The following PFAS variants were observed in gnomAD, a reference collection of about 807,000 sequenced individuals.
The protein encoded by PFAS is FGAM synthase.
Under a neutral mutation model 140.6 loss-of-function variants are expected in PFAS, and 97 were observed. That is an observed-to-expected ratio of 0.69 (90% confidence interval 0.59 to 0.82). The LOEUF is 0.82. PFAS is among the 40% of genes least tolerant of loss of function. The pLI is 0.00. For missense variants in PFAS, 1,656 were observed against 1,780.2 expected (o/e 0.93, Z 1.26); for synonymous variants, 679 against 718.8 (o/e 0.94, Z 0.88).
At position 8,254,072 on chromosome 17, in the gene PFAS, C is replaced by T; in HGVS notation, c.135C>T (p.Asn45=). Reference sequence around the variant, plus strand: ...AGACTGAACTGTGCTACAACGTGAACTGGACAGGTTGGGCCCAGGTATTAG... The same window carrying T: ...AGACTGAACTGTGCTACAACGTGAATTGGACAGGTTGGGCCCAGGTATTAG... The part of the protein sequence containing the change: ...GVETELCYNV[N]WTAEALPSAE... Residue 45 remains asparagine, a synonymous_variant, in exon 2 of 28, where the codon AAC becomes AAT. Transcript: ENST00000314666. 1 of 1,614,070 alleles carries T rather than the reference C, an allele frequency of 6.2e-7. No homozygotes were observed. Among genetic ancestry groups the T allele is most frequent in the Non-Finnish European group, 8.5e-7 (1 of 1,179,938 alleles).
chr17:8,250,361 T>C (rs1055756207), intron 1 of PFAS, among the ~76,000 whole-genome samples: 4 of 152,094 alleles, frequency 2.6e-5, no homozygotes, highest in Non-Finnish European at 4.4e-5. Context: ...TTGGTCCAGG[T>C]GAGTGATGGT....
chr17:8,264,651 C>A, intron 17 of PFAS, 50 bp downstream of exon 17: 1 of 1,529,012 alleles, frequency 6.5e-7, no homozygotes, highest in Non-Finnish European at 8.8e-7. Flanking sequence ...TCCGCTCAGC[C>A]TCTTCTGCCC....
rs1989735062 is a variant in PFAS at position 8,264,580 on chromosome 17, C to G, written c.2028C>G (p.Ser676Arg). The G allele has an allele frequency of 3.1e-6, 5 of 1,613,040 alleles. No homozygotes were observed. Among genetic ancestry groups the G allele is most frequent in the Non-Finnish European group, 4.2e-6 (5 of 1,179,604 alleles). ...TTCTGAGGCTGCCCGCCGTGGCCAG[C>G]AAGCGCTACCTCACCAATAAGGTCC... ...ERVLRLPAVA[S>R]KRYLTNKVDR... Residue 676 changes from serine (S) to arginine (R), a missense_variant, in exon 17 of 28, where the codon AGC (serine) becomes AGG (arginine). Ser to Arg is a moderately radical substitution (Grantham distance 110). Coordinates refer to ENST00000314666, the MANE Select transcript of PFAS (RefSeq NM_012393.3).
intron 3 of PFAS, 40 bp downstream of exon 3, chr17:8,254,341 C>T (rs777091581): frequency 6.2e-7 from 1 of 1,610,018 alleles, no homozygotes; most frequent in South Asian, 1.1e-5. Context: ...TTCTGCTTTC[C>T]TTTGCTTCCT....
chr17:8,250,057 A>T (rs1346365283), intron 1 of PFAS, among the ~76,000 whole-genome samples: 2 of 152,214 alleles, frequency 1.3e-5, no homozygotes, highest in East Asian at 3.8e-4. Flanking sequence ...ATCACCAGAA[A>T]TCTAAATAAC....
chr17:8,258,242 C>T, intron 11 of PFAS, 43 bp downstream of exon 11: 6 of 1,609,718 alleles, frequency 3.7e-6, no homozygotes, highest in Non-Finnish European at 5.1e-6. Context: ...CAGCTTTCTC[C>T]CCAGCACAGG....
intron 17 of PFAS, 87 bp from the exon 18 acceptor site, chr17:8,264,808 C>A: frequency 9.4e-7 from 1 of 1,058,948 alleles, no homozygotes; most frequent in South Asian, 1.6e-5. Flanking sequence ...ACAGGCCTCC[C>A]ACTGCCCTGA....
intron 1 of PFAS, among the ~76,000 whole-genome samples, chr17:8,252,052 G>A (rs1373659784): frequency 6.6e-6 from 1 of 151,884 alleles, no homozygotes; most frequent in African/African-American, 2.4e-5. Flanking sequence ...CCAACGCTTT[G>A]GGAGTCCGAG....
At chr17:8,247,719 C>G (rs1436163415), upstream of PFAS, 11 of 420,076 alleles carry the variant, frequency 2.6e-5, no homozygotes, top group Non-Finnish European at 4.8e-5. Flanking sequence ...CAGGAACCCA[C>G]AGCCCCATAG....
upstream of PFAS, chr17:8,247,908 G>A: frequency 7.5e-7 from 1 of 1,336,894 alleles, no homozygotes; most frequent in South Asian, 1.2e-5. Flanking sequence ...GACGCGGCCA[G>A]CGAGCCCAGA....
chr17:8,266,206 T>C lies in PFAS; in HGVS notation c.2702-28T>C. The C allele has an allele frequency of 1.2e-6, 2 of 1,612,790 alleles. No homozygotes were observed. Among genetic ancestry groups the C allele is most frequent in the Non-Finnish European group, 1.7e-6 (2 of 1,179,280 alleles). On this transcript the variant is annotated intron_variant, in intron 21 of 27. Coordinates refer to ENST00000314666, the MANE Select transcript of PFAS (RefSeq NM_012393.3). The surrounding 1 kb of genome is among the most constrained non-coding windows in gnomAD (Gnocchi z 5.0). ...GGGCTGTCAGGTTTGGGTCCCGAGG[T>C]TGCTGAGCTTTCTTCTCCTTCCTCC...
At chr17:8,262,378 A>G (rs759918835) in intron 11 of PFAS, 1 of 154,432 alleles carries the variant, frequency 6.5e-6, no homozygotes, top group Non-Finnish European at 1.4e-5. Context: ...AATCAGCGGG[A>G]TGACTTCCTC....
At chr17:8,260,785 C>T (rs369089905) in intron 11 of PFAS, among the ~76,000 whole-genome samples, 4 of 152,058 alleles carry the variant, frequency 2.6e-5, no homozygotes, top group African/African-American at 9.7e-5. Flanking sequence ...CCACCACGCC[C>T]GGCTAATTTT....
upstream of PFAS, among the ~76,000 whole-genome samples, chr17:8,248,453 G>T (rs533739985): frequency 1.7e-3 from 218 of 125,710 alleles, no homozygotes; most frequent in African/African-American, 6.5e-3. Context: ...GTAGAGACGG[G>T]GTTTCACCAT....
rs746871881 is a variant in PFAS, at chr17:8,265,926, G to A, written c.2610G>A (p.Gln870=). 3 of 1,613,710 alleles carry A rather than the reference G, an allele frequency of 1.9e-6. No homozygotes were observed. In the Admixed American group the frequency reaches 5.0e-5, roughly 27 times the overall value. The change falls in exon 21 of 28, where the codon CAG becomes CAA. Residue 870 remains glutamine (Q), a synonymous_variant. Coordinates refer to ENST00000314666, the MANE Select transcript of PFAS (RefSeq NM_012393.3). ...GGCTCGGGGGCACAGCTCTGGCCCA[G>A]TGCTTCTCCCAGCTTGGGGAACACC... The part of the protein sequence containing the change: ...QHRLGGTALA[Q]CFSQLGEHPP...
rs1196329628 is a variant in PFAS, at chr17:8,253,914, C to T, written c.-24C>T. The T allele has an allele frequency of 6.2e-7, 1 of 1,600,482 alleles. No individual in the cohort carries two copies. Among genetic ancestry groups the T allele is most frequent in the Non-Finnish European group, 8.5e-7 (1 of 1,171,394 alleles). On this transcript the variant is annotated 5_prime_UTR_variant, in exon 2 of 28. Coordinates refer to ENST00000314666, the MANE Select transcript of PFAS (RefSeq NM_012393.3). Reference sequence around the variant, plus strand: ...CATCTCTCCAGCAAAGGACACCTCTCTCCAGCAAAGGACACCTGCAGAGAT... The same window carrying T: ...CATCTCTCCAGCAAAGGACACCTCTTTCCAGCAAAGGACACCTGCAGAGAT...
chr17:8,254,298 C>T lies in PFAS; in HGVS notation c.275C>T (p.Pro92Leu). 6.2e-7 allele frequency: 1 copy of T among 1,614,030 alleles called. No homozygotes were observed. Among genetic ancestry groups the T allele is most frequent in the Non-Finnish European group, 8.5e-7 (1 of 1,180,006 alleles). The change falls in exon 3 of 28, where the codon CCC becomes CTC. Residue 92 changes from proline to leucine, a missense_variant. Physicochemically the swap from Pro to Leu is moderately conservative, Grantham distance 98 (BLOSUM62 -3). Around this residue, in one of 2 missense-constraint regions of PFAS, gnomAD observed 773 missense variants for 757.3 expected, o/e 1.02. Transcript: ENST00000314666. ...AATGACCTGCTGCTGGAGGTCGGGC[C>T]CAGGTAAGTATCTCATCCTGCCCAC... is the stretch of plus-strand genomic sequence containing the variant. ...GSNDLLLEVGPRLNFSTPTST... is the reference protein window; with the variant it reads ...GSNDLLLEVGLRLNFSTPTST...
chr17:8,260,366 A>G (rs1989543760), intron 11 of PFAS, among the ~76,000 whole-genome samples: 1 of 152,216 alleles, frequency 6.6e-6, no homozygotes, highest in Non-Finnish European at 1.5e-5. Flanking sequence ...AAATGTCATT[A>G]GTCAGCCCAT....
chr17:8,249,188 C>G (rs1989020476), upstream of PFAS: 1 of 152,316 alleles, frequency 6.6e-6, no homozygotes, highest in South Asian at 2.1e-4. Context: ...CCACCAAGAA[C>G]CTAGAATTCG....
Sources: gnomAD v4.1 joint callset for allele counts (sites outside exome capture counted in the v4.1 genomes callset) on GRCh38, gnomAD v4.1.1 for gene constraint, gnomAD v4.1.1 regional missense constraint, Gnocchi (gnomAD v3.1) non-coding constraint, MANE v1.5 for transcripts, NCBI Gene and HGNC (gene_info 2026-07-23, HGNC 2026-07-21) for gene names.